Variants in HTR2C observed in about 807,000 individuals in gnomAD.
The protein encoded by HTR2C is 5-hydroxytryptamine receptor 2C.
In HTR2C, 5 loss-of-function variants were observed where a neutral mutation model predicts 21.0. That is an observed-to-expected ratio of 0.24 (90% confidence interval 0.12 to 0.50). The LOEUF (loss-of-function observed/expected upper bound fraction) is 0.50. HTR2C is among the 20% of genes least tolerant of loss of function. The probability of loss-of-function intolerance (pLI) is 0.98; values close to 1 mark genes in which losing one functional copy is unlikely to be tolerated. For missense variants in HTR2C, 271 were observed against 371.2 expected, an observed-to-expected ratio of 0.73 and a Z score of 2.22; for synonymous variants, 150 against 145.3, an observed-to-expected ratio of 1.03 and a Z score of -0.23.
chrX:114,805,187 A>G (rs973349609), intron 4 of HTR2C, among the ~76,000 whole-genome samples: 3 of 110,201 alleles, frequency 2.7e-5, no homozygotes, highest in Non-Finnish European at 5.7e-5. Context: ...TGATTGTTCT[A>G]TTTTACTCTG....
chrX:114,616,837 G>C (rs1297270083), intron 2 of HTR2C, among the ~76,000 whole-genome samples: 1 of 111,819 alleles, frequency 8.9e-6, no homozygotes, highest in Non-Finnish European at 1.9e-5. Context: ...AAGTATCAAA[G>C]GTAAACATTA....
intron 2 of HTR2C, among the ~76,000 whole-genome samples, chrX:114,683,856 A>T (rs1421749572): frequency 6.3e-5 from 7 of 111,989 alleles, no homozygotes; most frequent in African/African-American, 2.3e-4. Context: ...AGACAATGCG[A>T]CCTAGTAAAA....
chrX:114,703,048 G>A (rs782262193), intron 2 of HTR2C, among the ~76,000 whole-genome samples: 2,911 of 92,821 alleles, frequency 0.031, 124 homozygotes, highest in African/African-American at 0.1. Flanking sequence ...AGGAGCACCC[G>A]GATTCATAAA....
At chrX:114,806,067 C>CATATATATACA (rs1237864424) in intron 4 of HTR2C, among the ~76,000 whole-genome samples, 1 of 98,267 alleles carries the variant, frequency 1.0e-5, no homozygotes, top group Non-Finnish European at 2.0e-5. Context: ...ATATATACAC[C>CATATATATACA]ATATATACAC....
At chrX:114,644,364 T>TAAATAA (rs1409375537) in intron 2 of HTR2C, among the ~76,000 whole-genome samples, 80 of 35,653 alleles carry the variant, frequency 2.2e-3, no homozygotes, top group Non-Finnish European at 2.8e-3. Flanking sequence ...AATAAATAAA[T>TAAATAA]ATATATATAT....
At chrX:114,585,919 G>A (rs1396478877) in intron 1 of HTR2C, among the ~76,000 whole-genome samples, 1 of 110,062 alleles carries the variant, frequency 9.1e-6, no homozygotes, top group African/African-American at 3.3e-5. Context: ...TGATTTGGGG[G>A]GCGGGGGGTG....
chrX:114,769,691 C>G (rs193263399), intron 4 of HTR2C, among the ~76,000 whole-genome samples: 251 of 111,411 alleles, frequency 2.3e-3, no homozygotes, highest in African/African-American at 7.8e-3. Context: ...CTCCAATATA[C>G]TTCCATTTCT....
chrX:114,726,909 A>G lies in HTR2C; in HGVS notation c.-28A>G. On this transcript the variant is annotated 5_prime_UTR_variant, in exon 3 of 6. Transcript: ENST00000276198. ...GTTAATTTCGTCTTCTCAATTTTAA[A>G]CTTTGGTTGCTTAAGACTGAAGCAA... is the stretch of plus-strand genomic sequence containing the variant. 9.3e-7 allele frequency: 1 copy of G among 1,077,049 alleles called. No homozygotes were observed. Among genetic ancestry groups the G allele is most frequent in the Non-Finnish European group, 1.2e-6 (1 of 802,346 alleles). 88.8% of individuals were successfully genotyped at this position (1,077,049 alleles called of 1,213,427 possible).
chrX:114,843,422 A>T (rs1476024261), intron 4 of HTR2C, among the ~76,000 whole-genome samples: 3 of 111,928 alleles, frequency 2.7e-5, no homozygotes, highest in Non-Finnish European at 3.8e-5. Flanking sequence ...AATTGTGATT[A>T]TCCAGTCCAA....
At chrX:114,603,082 A>G (rs1414592975) in intron 1 of HTR2C, among the ~76,000 whole-genome samples, 3 of 110,361 alleles carry the variant, frequency 2.7e-5, no homozygotes, top group Non-Finnish European at 5.7e-5. Flanking sequence ...AACAGGAAAG[A>G]AGGAAATTTG....
In HTR2C at chrX:114,806,118, G is replaced by A. The variant is rs782617334; in HGVS notation, c.350-41885G>A. 1.4e-4 allele frequency among the ~76,000 whole-genome samples: 13 copies of A among 90,340 alleles called. No homozygotes were observed. In the East Asian group the frequency reaches 4.6e-3, roughly 32 times the overall value. The allele number at this position is 90,340 out of a possible 115,157, so 78.4% of individuals were successfully genotyped here. A position where few individuals can be genotyped will look rare whatever the true frequency, so the allele number is the denominator to read the frequency against. ...TATATACACCATATATACCATATAT[G>A]CACCATATGTATACATATATACACC... On this transcript the variant is annotated intron_variant, in intron 4 of 5. Coordinates refer to ENST00000276198, the MANE Select transcript of HTR2C (RefSeq NM_000868.4).
At position 114,866,363 on chromosome X, in the gene HTR2C, TTA is replaced by T. The variant is rs202048736; in HGVS notation, c.550+18174_550+18175del. Among the ~76,000 whole-genome samples the T allele has an allele frequency of 1.2e-3, 125 of 108,178 alleles. 1 individual carries two copies. Among genetic ancestry groups the T allele is most frequent in the African/African-American group, 3.9e-3 (117 of 29,974 alleles). 93.9% of individuals were successfully genotyped at this position (108,178 alleles called of 115,157 possible). ...TGTAATATTTGCTTCTAAGGTTTAA[TTA>T]TATATATATATATTTAATTTTTTTA... On this transcript the variant is annotated intron_variant, in intron 5 of 5. Coordinates refer to ENST00000276198, the MANE Select transcript of HTR2C (RefSeq NM_000868.4).
chrX:114,626,223 A>T (rs1929364860), intron 2 of HTR2C, among the ~76,000 whole-genome samples: 2 of 106,557 alleles, frequency 1.9e-5, no homozygotes, highest in African/African-American at 6.9e-5. Context: ...GCAAAAAAAA[A>T]AAAAAATAAT....
At chrX:114,808,380 A>T (rs781970263) in intron 4 of HTR2C, among the ~76,000 whole-genome samples, 1 of 111,406 alleles carries the variant, frequency 9.0e-6, no homozygotes, top group South Asian at 3.8e-4. Flanking sequence ...ATTGACACTT[A>T]GGTTACTTCC....
chrX:114,772,632 G>A lies in HTR2C; in HGVS notation c.349+41025G>A, dbSNP rs781900604. On this transcript the variant is annotated intron_variant, in intron 4 of 5. Coordinates refer to ENST00000276198, the MANE Select transcript of HTR2C (RefSeq NM_000868.4). ...ACTATACTTTCTGGCTTAAGAAACA[G>A]CCCTATTCATGTCTTGTCCAACAAA... 2.2e-3 allele frequency among the ~76,000 whole-genome samples: 240 copies of A among 111,117 alleles called. 9 individuals are homozygous for A. The South Asian group carries it at 0.09, about 42-fold the overall frequency.
chrX:114,727,537 G>C (rs1556422343), intron 3 of HTR2C, among the ~76,000 whole-genome samples: 1 of 111,720 alleles, frequency 9.0e-6, no homozygotes, highest in East Asian at 2.8e-4. Flanking sequence ...TTCTAAATTT[G>C]ATCTAATCCA....
At chrX:114,672,232 T>G (rs1556411851) in intron 2 of HTR2C, among the ~76,000 whole-genome samples, 1 of 111,519 alleles carries the variant, frequency 9.0e-6, no homozygotes. Context: ...GCTAAAAAGG[T>G]AAATTAAAAA....
chrX:114,809,894 G>C lies in HTR2C; in HGVS notation c.350-38109G>C, dbSNP rs1356998277. ...GGGAATGTGCTGGGTCACATCTGAAGCCAGCAGGGCTCTGAGTCTCACCCA... is the reference window on the plus strand; with the variant it reads ...GGGAATGTGCTGGGTCACATCTGAACCCAGCAGGGCTCTGAGTCTCACCCA... On this transcript the variant is annotated intron_variant, in intron 4 of 5. Coordinates refer to ENST00000276198, the MANE Select transcript of HTR2C (RefSeq NM_000868.4). 2.7e-5 allele frequency among the ~76,000 whole-genome samples: 3 copies of C among 111,538 alleles called. No homozygotes were observed. The Admixed American group carries it at 2.9e-4, about 11-fold the overall frequency.
chrX:114,617,796 A>G (rs1405719934), intron 2 of HTR2C, among the ~76,000 whole-genome samples: 1 of 112,080 alleles, frequency 8.9e-6, no homozygotes, highest in East Asian at 2.8e-4. Flanking sequence ...AATTTGTTCT[A>G]TATATAGCAC....
Sources: gnomAD v4.1 joint callset for allele counts (sites outside exome capture counted in the v4.1 genomes callset) on GRCh38, gnomAD v4.1.1 for gene constraint, MANE v1.5 for transcripts, NCBI Gene and HGNC (gene_info 2026-07-23, HGNC 2026-07-21) for gene names.